Variants in HERC4 observed in about 807,000 individuals in gnomAD.
HERC4 encodes HECT and RLD domain containing E3 ubiquitin protein ligase 4, also known as probable E3 ubiquitin-protein ligase HERC4.
Under a neutral mutation model 124.3 loss-of-function variants are expected in HERC4, and 28 were observed. That is an observed-to-expected ratio of 0.23 (90% confidence interval 0.17 to 0.31). HERC4 has a LOEUF of 0.31. Ranked by LOEUF, HERC4 falls within the 10% of genes least tolerant of loss-of-function variation. The pLI, the probability that HERC4 is intolerant of heterozygous loss-of-function variation, is 1.00. For synonymous variants in HERC4, 407 were observed against 421.5 expected, an observed-to-expected ratio of 0.97 and a Z score of 0.42; for missense variants, 713 against 1,229.3, an observed-to-expected ratio of 0.58 and a Z score of 6.28.
In HERC4 at chr10:68,049,590, C is replaced by CCAAAAAA. The variant is rs1554827735; in HGVS notation, c.227-5028_227-5027insTTTTTTG. The stretch of plus-strand genomic sequence containing the variant: ...TGGGTGACAGAGTGAGACACTGCCA[C>CCAAAAAA]AAAAAAAAAAAAAAAAAAAAAAACA... On this transcript the variant is annotated intron_variant, in intron 3 of 24. Transcript: ENST00000373700. Among the ~76,000 whole-genome samples the CCAAAAAA allele has an allele frequency of 4.0e-4, 17 of 42,612 alleles. 1 individual carries two copies. Among genetic ancestry groups the CCAAAAAA allele is most frequent in the African/African-American group, 1.8e-3 (15 of 8,524 alleles). The allele number at this position is 42,612 out of a possible 152,430, so 28.0% of individuals were successfully genotyped here. A position where few individuals can be genotyped will look rare whatever the true frequency, so the allele number is the denominator to read the frequency against.
chr10:67,949,125 A>G (rs1035011997), intron 19 of HERC4, among the ~76,000 whole-genome samples: 2 of 150,764 alleles, frequency 1.3e-5, no homozygotes, highest in African/African-American at 4.9e-5. Context: ...AATACAAAAA[A>G]TACAAAAACT....
At chr10:68,010,796 T>A in intron 9 of HERC4, 1 of 1,517,240 alleles carries the variant, frequency 6.6e-7, no homozygotes, top group Non-Finnish European at 9.1e-7. Flanking sequence ...AGCCTGTGCA[T>A]ATCCCAGGGT....
chr10:68,021,750 G>T (rs1176454100), intron 8 of HERC4, among the ~76,000 whole-genome samples: 2 of 152,132 alleles, frequency 1.3e-5, no homozygotes, highest in Non-Finnish European at 1.5e-5. Flanking sequence ...AGAGGTTGCG[G>T]TGAGCCGAGA....
chr10:68,058,416 T>A (rs901971871), intron 3 of HERC4, among the ~76,000 whole-genome samples: 1 of 152,128 alleles, frequency 6.6e-6, no homozygotes, highest in Non-Finnish European at 1.5e-5. Flanking sequence ...GAAAGCAATA[T>A]AGTTTCCCTA....
chr10:68,010,943 T>C, intron 9 of HERC4: 1 of 1,096,246 alleles, frequency 9.1e-7, no homozygotes, highest in Non-Finnish European at 1.3e-6. Flanking sequence ...GCTTTAGTTC[T>C]AGTTCTCTTG....
chr10:67,978,154 T>C (rs188494321), intron 15 of HERC4, among the ~76,000 whole-genome samples: 278 of 151,916 alleles, frequency 1.8e-3, no homozygotes, highest in Non-Finnish European at 3.1e-3. Context: ...TGCAGGCCTG[T>C]AGTCCCAGCT....
intron 7 of HERC4, among the ~76,000 whole-genome samples, 179 bp downstream of exon 7, chr10:68,032,599 A>G (rs1170054330): frequency 6.6e-6 from 1 of 152,232 alleles, no homozygotes; most frequent in Non-Finnish European, 1.5e-5. Context: ...AACATAAAAC[A>G]ACATTGAAAA....
intron 11 of HERC4, 25 bp from the exon 12 acceptor site, chr10:67,991,224 TA>T (rs1403011627): frequency 7.4e-7 from 1 of 1,343,712 alleles, no homozygotes; most frequent in African/African-American, 1.5e-5. Context: ...AAAGTTTTTT[TA>T]ATCATAGAAT....
chr10:67,956,820 T>C, intron 17 of HERC4, 58 bp downstream of exon 17: 2 of 1,118,620 alleles, frequency 1.8e-6, no homozygotes, highest in Non-Finnish European at 2.6e-6. Context: ...AAATATTTAC[T>C]GTCCAGAAAC....
intron 5 of HERC4, among the ~76,000 whole-genome samples, chr10:68,037,198 G>A (rs1431006461): frequency 6.7e-6 from 1 of 149,752 alleles, no homozygotes; most frequent in Non-Finnish European, 1.5e-5. Context: ...GGGTTCAAGC[G>A]ATTCTCCTGC....
At chr10:67,932,478 T>C in intron 23 of HERC4, 119 bp downstream of exon 23, 1 of 767,646 alleles carries the variant, frequency 1.3e-6, no homozygotes, top group South Asian at 1.8e-5. Context: ...AAGGGTAGAG[T>C]GCTTTCCTGT....
At chr10:68,065,857 AC>A (rs1191165340) in intron 3 of HERC4, among the ~76,000 whole-genome samples, 3 of 152,130 alleles carry the variant, frequency 2.0e-5, no homozygotes, top group Non-Finnish European at 4.4e-5. Flanking sequence ...GTCTAAAAAA[AC>A]AAAACAAAAC....
At chr10:68,021,108 G>A (rs1370012907) in intron 8 of HERC4, among the ~76,000 whole-genome samples, 2 of 152,150 alleles carry the variant, frequency 1.3e-5, no homozygotes, top group South Asian at 2.1e-4. Flanking sequence ...TGAATTCTAC[G>A]CAGGATAAAC....
At chr10:68,043,490 A>G (rs868726207) in intron 4 of HERC4, among the ~76,000 whole-genome samples, 48 of 152,292 alleles carry the variant, frequency 3.2e-4, no homozygotes, top group African/African-American at 1.0e-3. Context: ...ATTTTTACCT[A>G]TGTAATTCAT....
At chr10:67,949,241 G>A (rs901348238) in intron 19 of HERC4, among the ~76,000 whole-genome samples, 1 of 152,020 alleles carries the variant, frequency 6.6e-6, no homozygotes, top group Non-Finnish European at 1.5e-5. Context: ...CTGAGATCGT[G>A]CCACTGCACT....
chr10:68,037,551 C>T (rs148067285), intron 5 of HERC4, among the ~76,000 whole-genome samples: 2 of 152,222 alleles, frequency 1.3e-5, no homozygotes, highest in African/African-American at 4.8e-5. Context: ...TATTTCTATG[C>T]ATAGAAAGTT....
intron 9 of HERC4, among the ~76,000 whole-genome samples, chr10:68,009,075 T>A (rs138731358): frequency 0.02 from 3,042 of 152,008 alleles, 39 homozygotes; most frequent in Non-Finnish European, 0.03. Flanking sequence ...ACTAAAAAAA[T>A]TAGCCAGGTG....
intron 4 of HERC4, among the ~76,000 whole-genome samples, chr10:68,043,342 T>A (rs1433860066): frequency 6.6e-6 from 1 of 152,182 alleles, no homozygotes; most frequent in Non-Finnish European, 1.5e-5. Context: ...TTTAAAATCC[T>A]GTTCTATAAG....
intron 3 of HERC4, among the ~76,000 whole-genome samples, chr10:68,059,830 T>TATTATAATATTATATATCATAA (rs2040875213): frequency 2.0e-5 from 1 of 50,872 alleles, no homozygotes; most frequent in African/African-American, 2.2e-4. Context: ...TATCATAATA[T>TATTATAATATTATATATCATAA]TATATATTAT....
Sources: allele counts gnomAD v4.1 joint callset (sites outside exome capture counted in the v4.1 genomes callset), GRCh38; gene constraint gnomAD v4.1.1; transcripts MANE v1.5; gene names NCBI Gene and HGNC (gene_info 2026-07-23, HGNC 2026-07-21).